Variants in SLC35C1 observed in about 807,000 individuals in gnomAD.
SLC35C1 encodes the protein GDP-fucose transporter 1.
Under a neutral mutation model 23.2 loss-of-function variants are expected in SLC35C1, and 8 were observed. The observed-to-expected ratio is 0.35, with a 90% CI of 0.20 to 0.62. SLC35C1 has a LOEUF of 0.62. Ranked by LOEUF, SLC35C1 falls within the 20% of genes least tolerant of loss-of-function variation. SLC35C1 has a pLI of 0.75. For missense variants in SLC35C1, 422 were observed against 478.6 expected (o/e 0.88, Z 1.10); for synonymous variants, 226 against 225.1 (o/e 1.00, Z -0.04).
chr11:45,805,811 G>T lies in SLC35C1; in HGVS notation c.10G>T (p.Ala4Ser). The change falls in exon 1 of 2, where the codon GCC (alanine) becomes TCC (serine). Residue 4 changes from alanine to serine, a missense_variant. Physicochemically the swap from Ala to Ser is moderately conservative, Grantham distance 99. Coordinates refer to ENST00000314134, the MANE Select transcript of SLC35C1 (RefSeq NM_018389.5). ...CAGCTCCTCTGCTACCATGAATAGG[G>T]CCCCTCTGAAGCGGTCCAGGATCCT... The part of the protein sequence containing the change: MNR[A>S]PLKRSRILHM... 1.2e-6 allele frequency: 2 copies of T among 1,613,492 alleles called. No individual in the cohort carries two copies. The highest frequency in any genetic ancestry group is 1.7e-6 in the Non-Finnish European group (2 of 1,179,996).
rs1231811014 is a variant in SLC35C1 at position 45,811,547 on chromosome 11, C to G, written c.*212C>G. On this transcript the variant is annotated 3_prime_UTR_variant, in exon 2 of 2. Coordinates refer to ENST00000314134, the MANE Select transcript of SLC35C1 (RefSeq NM_018389.5). ...AGGAACCAGTGTTTACAAGTAATAC[C>G]AGAAAGTTGCCAAACCCTTCTCTAT... The G allele has an allele frequency of 2.1e-6, 1 of 480,942 alleles. No individual in the cohort carries two copies. Among genetic ancestry groups the G allele is most frequent in the Non-Finnish European group, 3.6e-6 (1 of 275,716 alleles). 29.8% of individuals were successfully genotyped at this position (480,942 alleles called of 1,614,324 possible). A position where few individuals can be genotyped will look rare whatever the true frequency, so the allele number is the denominator to read the frequency against.
chr11:45,812,806 T>A lies in SLC35C1; in HGVS notation c.*1471T>A, dbSNP rs1036005102. On this transcript the variant is annotated 3_prime_UTR_variant, in exon 2 of 2. Transcript: ENST00000314134. The stretch of plus-strand genomic sequence containing the variant: ...CACACCCTCCTGCGCTCAGGGTGGC[T>A]TGCAGTCCCTGGCCCTTCTGGTGGG... 1 of 379,630 alleles carries A rather than the reference T, an allele frequency of 2.6e-6. No individual in the cohort carries two copies. The highest frequency in any genetic ancestry group is 2.1e-5 in the African/African-American group (1 of 47,774). 23.5% of individuals were successfully genotyped at this position (379,630 alleles called of 1,614,324 possible). A position where few individuals can be genotyped will look rare whatever the true frequency, so the allele number is the denominator to read the frequency against.
chr11:45,805,199 G>A lies in SLC35C1; in HGVS notation c.-603G>A. 1.0e-6 allele frequency: 1 copy of A among 991,698 alleles called. No homozygotes were observed. The highest frequency in any genetic ancestry group is 1.2e-6 in the Non-Finnish European group (1 of 833,266). 61.4% of individuals were successfully genotyped at this position (991,698 alleles called of 1,614,324 possible). On this transcript the variant is annotated 5_prime_UTR_variant, in exon 1 of 2. Transcript: ENST00000314134. Reference sequence around the variant, plus strand: ...TGAGCCGGCGACAGAGCCCGGGAAGGCAGCGAGACGTGGGCGCCGGCCCAG... The same window carrying A: ...TGAGCCGGCGACAGAGCCCGGGAAGACAGCGAGACGTGGGCGCCGGCCCAG...
chr11:45,807,358 A>G (rs1057503826), intron 1 of SLC35C1, among the ~76,000 whole-genome samples: 11 of 152,318 alleles, frequency 7.2e-5, no homozygotes, highest in African/African-American at 2.4e-4. Flanking sequence ...TTCTAGCCAC[A>G]TTTCAAGGGC....
intron 1 of SLC35C1, chr11:45,809,668 G>A (rs147916547): frequency 4.0e-4 from 317 of 801,044 alleles, no homozygotes; most frequent in Non-Finnish European, 4.7e-4. Flanking sequence ...GCTCAGAGTG[G>A]TTAAGTAACT....
chr11:45,804,413 CGGA>C (rs1420272685), upstream of SLC35C1: 46 of 899,134 alleles, frequency 5.1e-5, no homozygotes, highest in Non-Finnish European at 6.0e-5. Context: ...CCCAGTGCAC[CGGA>C]GGAGGTGAGC....
rs1157524648 is a variant in SLC35C1, at chr11:45,811,260, CAG to C, written c.1021_1022del (p.Arg341GlyfsTer122). On this transcript the variant is annotated frameshift_variant, in exon 2 of 2. Coordinates refer to ENST00000314134, the MANE Select transcript of SLC35C1 (RefSeq NM_018389.5). LOFTEE classifies it high-confidence loss of function. ...LGGSSAYTWV[R>X]GWEMKKTPEE... ...GCGGCTCCTCCGCCTACACCTGGGTCAGGGGCTGGGAGATGAAGAAGACTCCG... is the reference window on the plus strand; with the variant it reads ...GCGGCTCCTCCGCCTACACCTGGGTCGGGCTGGGAGATGAAGAAGACTCCG... The C allele has an allele frequency of 6.3e-7, 1 of 1,591,640 alleles. No individual in the cohort carries two copies. Among genetic ancestry groups the C allele is most frequent in the Non-Finnish European group, 8.6e-7 (1 of 1,168,398 alleles).
Position 45,805,730 on chromosome 11 carries a change from A to G in SLC35C1, c.-72A>G. 2 of 1,600,566 alleles carry G rather than the reference A, an allele frequency of 1.2e-6. No homozygotes were observed. Among genetic ancestry groups the G allele is most frequent in the Non-Finnish European group, 8.5e-7 (1 of 1,179,582 alleles). On this transcript the variant is annotated 5_prime_UTR_variant, in exon 1 of 2. Transcript: ENST00000314134. ...GCTGCGGCTTCCTTGCGGAGAGCAC[A>G]AGTGAGCTCACTGCCCTGGACTCCA...
In SLC35C1 at chr11:45,812,805, C is replaced by T. The variant is rs1293063712; in HGVS notation, c.*1470C>T. 2 of 379,800 alleles carry T rather than the reference C, an allele frequency of 5.3e-6. No individual in the cohort carries two copies. Among genetic ancestry groups the T allele is most frequent in the South Asian group, 1.9e-5 (1 of 52,962 alleles). 23.5% of individuals were successfully genotyped at this position (379,800 alleles called of 1,614,324 possible). A position where few individuals can be genotyped will look rare whatever the true frequency, so the allele number is the denominator to read the frequency against. On this transcript the variant is annotated 3_prime_UTR_variant, in exon 2 of 2. Coordinates refer to ENST00000314134, the MANE Select transcript of SLC35C1 (RefSeq NM_018389.5). ...CCACACCCTCCTGCGCTCAGGGTGG[C>T]TTGCAGTCCCTGGCCCTTCTGGTGG...
Position 45,812,479 on chromosome 11 carries a change from G to C in SLC35C1, c.*1144G>C. 2.2e-6 allele frequency: 1 copy of C among 452,616 alleles called. No homozygotes were observed. The highest frequency in any genetic ancestry group is 1.6e-5 in the South Asian group (1 of 64,108). 28.0% of individuals were successfully genotyped at this position (452,616 alleles called of 1,614,324 possible). The stretch of plus-strand genomic sequence containing the variant: ...ACAGAAACGTATTGCTCACAGTCCT[G>C]GGGGGCTGGGACGCCCAAGATCAAG... On this transcript the variant is annotated 3_prime_UTR_variant, in exon 2 of 2. Transcript: ENST00000314134.
At position 45,811,172 on chromosome 11, in the gene SLC35C1, C is replaced by T; in HGVS notation, c.932C>T (p.Ala311Val). The change falls in exon 2 of 2, where the codon GCC becomes GTC. Residue 311 changes from alanine (A) to valine (V), a missense_variant. By Grantham distance (64) the Ala-to-Val change is moderately conservative (BLOSUM62 0). Transcript: ENST00000314134. Reference sequence around the variant, plus strand: ...AAGGCCTGTGCCCAGACAGTGCTGGCCGTGCTCTACTACGAGGAGACCAAG... The same window carrying T: ...AAGGCCTGTGCCCAGACAGTGCTGGTCGTGCTCTACTACGAGGAGACCAAG... The part of the protein sequence containing the change: ...TAKACAQTVL[A>V]VLYYEETKSF... The T allele has an allele frequency of 1.2e-6, 2 of 1,611,966 alleles. No homozygotes were observed. Among genetic ancestry groups the T allele is most frequent in the Non-Finnish European group, 8.5e-7 (1 of 1,179,992 alleles).
upstream of SLC35C1, chr11:45,804,607 C>G: frequency 1.0e-6 from 1 of 985,772 alleles, no homozygotes; most frequent in East Asian, 1.1e-4. Flanking sequence ...AACTGAAGTC[C>G]GAGAGAGGCG....
chr11:45,804,398 G>A (rs1358714902), upstream of SLC35C1: 5 of 774,860 alleles, frequency 6.5e-6, no homozygotes, highest in Admixed American at 1.9e-4. Context: ...GTCGCGGGGC[G>A]GGCGCCCAGT....
chr11:45,810,994 C>G lies in SLC35C1; in HGVS notation c.754C>G (p.Leu252Val), dbSNP rs765414779. ...FLPLLLLLGE[L>V]QALRDFAQLG... ...GCCCCTGCTCCTGCTGCTCGGGGAG[C>G]TTCAGGCCCTGCGTGACTTTGCCCA... Residue 252 changes from leucine (L) to valine (V), a missense_variant, in exon 2 of 2, where the codon CTT becomes GTT. Coordinates refer to ENST00000314134, the MANE Select transcript of SLC35C1 (RefSeq NM_018389.5). The G allele has an allele frequency of 9.9e-6, 16 of 1,612,786 alleles. No homozygotes were observed. In the African/African-American group the frequency reaches 1.9e-4, roughly 19 times the overall value.
upstream of SLC35C1, chr11:45,804,842 C>T (rs991123181): frequency 1.5e-5 from 15 of 985,708 alleles, no homozygotes; most frequent in African/African-American, 1.7e-5. Flanking sequence ...GGAAGTGGAC[C>T]TGCGAGCCAA....
intron 1 of SLC35C1, chr11:45,806,977 C>T: frequency 3.7e-6 from 3 of 801,306 alleles, no homozygotes; most frequent in Non-Finnish European, 4.5e-6. Context: ...CTGGACTTGA[C>T]CCTCAGAAAA....
Position 45,811,726 on chromosome 11 carries a change from A to C in SLC35C1, c.*391A>C. On this transcript the variant is annotated 3_prime_UTR_variant, in exon 2 of 2. Coordinates refer to ENST00000314134, the MANE Select transcript of SLC35C1 (RefSeq NM_018389.5). ...AAGGGACAGCAATGGCAAAGCCACA[A>C]AGGCTTCACTGTACTCAGGGGAGAT... The C allele has an allele frequency of 5.6e-6, 1 of 177,810 alleles. No homozygotes were observed. The highest frequency in any genetic ancestry group is 2.4e-5 in the African/African-American group (1 of 42,240). The allele number at this position is 177,810 out of a possible 1,614,324, so 11.0% of individuals were successfully genotyped here. A position where few individuals can be genotyped will look rare whatever the true frequency, so the allele number is the denominator to read the frequency against.
In SLC35C1 at chr11:45,805,335, G is replaced by GGGGCCCCCCCCC; in HGVS notation, c.-467_-466insGGGCCCCCCCCC. ...GCTCCCTGTACGCCTCCCTCCCCCT[G>GGGGCCCCCCCCC]CCCGCCCCTCCCTCCCACAGCCGCC... On this transcript the variant is annotated 5_prime_UTR_variant, in exon 1 of 2. Transcript: ENST00000314134. 1.8e-6 allele frequency: 1 copy of GGGGCCCCCCCCC among 566,212 alleles called. No individual in the cohort carries two copies. The highest frequency in any genetic ancestry group is 2.1e-6 in the Non-Finnish European group (1 of 483,466). 35.1% of individuals were successfully genotyped at this position (566,212 alleles called of 1,614,324 possible). A position where few individuals can be genotyped will look rare whatever the true frequency, so the allele number is the denominator to read the frequency against.
chr11:45,808,662 G>T (rs1474180305), intron 1 of SLC35C1, among the ~76,000 whole-genome samples: 1 of 152,156 alleles, frequency 6.6e-6, no homozygotes, highest in African/African-American at 2.4e-5. Flanking sequence ...CAGCAGGTCT[G>T]TGGGTACCCC....
Sources: gnomAD v4.1 joint callset for allele counts (sites outside exome capture counted in the v4.1 genomes callset) on GRCh38, gnomAD v4.1.1 for gene constraint, MANE v1.5 for transcripts, NCBI Gene and HGNC (gene_info 2026-07-23, HGNC 2026-07-21) for gene names.